The following ABCG8 variants were observed in gnomAD, a reference collection of about 807,000 sequenced individuals.
ABCG8 encodes the protein ATP binding cassette subfamily G member 8, also known as ATP-binding cassette sub-family G member 8.
ABCG8 carries 81 observed loss-of-function variants against 71.3 expected under a neutral mutation model. The observed-to-expected ratio is 1.14, with a 90% CI of 0.95 to 1.37. The LOEUF (loss-of-function observed/expected upper bound fraction) is 1.37, where lower values mean the gene tolerates loss of function less well. Ranked by LOEUF, ABCG8 falls within the 40% of genes most tolerant of loss-of-function variation. The pLI is 0.00. For missense variants in ABCG8, 1,119 were observed against 866.2 expected, an observed-to-expected ratio of 1.29 and a Z score of -3.66; for synonymous variants, 451 against 354.7, an observed-to-expected ratio of 1.27 and a Z score of -3.05.
rs1668982196 is a variant in ABCG8, at chr2:43,853,013, G to A, written c.964+145G>A. The A allele has an allele frequency of 6.2e-6, 7 of 1,122,680 alleles. 1 individual carries two copies. Among genetic ancestry groups the A allele is most frequent in the South Asian group, 1.4e-5 (1 of 70,986 alleles). 69.5% of individuals were successfully genotyped at this position (1,122,680 alleles called of 1,614,324 possible). On this transcript the variant is annotated intron_variant, in intron 6 of 12. Coordinates refer to ENST00000272286, the MANE Select transcript of ABCG8 (RefSeq NM_022437.3). ...GGAGCAATGATGGGGAAGAACATGG[G>A]GTGGTTTGCCAGGTATCAAATGCTA...
intron 6 of ABCG8, among the ~76,000 whole-genome samples, chr2:43,853,939 A>C (rs959616021): frequency 1.3e-5 from 2 of 152,080 alleles, no homozygotes; most frequent in Non-Finnish European, 2.9e-5. Context: ...AACTCACAGA[A>C]AGGTCACCTC....
chr2:43,881,954 G>T lies in ABCG8; in HGVS notation c.*4041G>T, dbSNP rs534403670. 1 of 152,152 alleles carries T rather than the reference G, an allele frequency of 6.6e-6. No individual in the cohort carries two copies. Among genetic ancestry groups the T allele is most frequent in the Non-Finnish European group, 1.5e-5 (1 of 68,028 alleles). The allele number at this position is 152,152 out of a possible 1,614,324, so 9.4% of individuals were successfully genotyped here. A position where few individuals can be genotyped will look rare whatever the true frequency, so the allele number is the denominator to read the frequency against. On this transcript the variant is annotated 3_prime_UTR_variant, in exon 13 of 13. Coordinates refer to ENST00000272286, the MANE Select transcript of ABCG8 (RefSeq NM_022437.3). ...TGTAGACTATAGTAACGTACAGCCG[G>T]TGTGGCTGTCTTCTAAGAAAGTATT... is the stretch of plus-strand genomic sequence containing the variant.
chr2:43,839,166 A>T, intron 1 of ABCG8, 50 bp downstream of exon 1: 1 of 1,539,542 alleles, frequency 6.5e-7, no homozygotes, highest in Non-Finnish European at 8.8e-7. Flanking sequence ...GGGTAGGAGA[A>T]ATCAAACCTT....
At chr2:43,872,963 CAT>C (rs895527284) in intron 8 of ABCG8, among the ~76,000 whole-genome samples, 1 of 150,916 alleles carries the variant, frequency 6.6e-6, no homozygotes, top group African/African-American at 2.5e-5. Context: ...TGTTTCCATG[CAT>C]ACACACATTT....
chr2:43,873,751 C>A (rs773685932), intron 8 of ABCG8, 36 bp from the exon 9 acceptor site: 14 of 1,606,546 alleles, frequency 8.7e-6, no homozygotes, highest in Non-Finnish European at 1.1e-5. Context: ...CTGGTGTATG[C>A]TGTTGCCTCA....
intron 6 of ABCG8, among the ~76,000 whole-genome samples, chr2:43,861,424 A>G (rs988502576): frequency 1.4e-4 from 21 of 151,198 alleles, no homozygotes; most frequent in Non-Finnish European, 3.1e-4. Context: ...TTCTGTGGAT[A>G]GAACTCTCAC....
intron 3 of ABCG8, chr2:43,847,064 G>T (rs1358577900): frequency 6.6e-6 from 1 of 152,614 alleles, no homozygotes; most frequent in Non-Finnish European, 1.5e-5. Flanking sequence ...CAAATCCAAA[G>T]AAATTGAGGG....
intron 6 of ABCG8, among the ~76,000 whole-genome samples, chr2:43,860,429 C>T (rs1669270445): frequency 1.3e-5 from 2 of 151,236 alleles, no homozygotes; most frequent in Non-Finnish European, 3.0e-5. Flanking sequence ...ATAGAACTCT[C>T]ACTATCTGGA....
chr2:43,849,928 G>A (rs112509822), intron 3 of ABCG8, among the ~76,000 whole-genome samples: 2 of 152,108 alleles, frequency 1.3e-5, no homozygotes, highest in African/African-American at 2.4e-5. Context: ...GGCCGGGCAC[G>A]GTGGCTCACG....
intron 6 of ABCG8, among the ~76,000 whole-genome samples, chr2:43,861,666 T>C (rs1164855458): frequency 6.6e-6 from 1 of 151,266 alleles, no homozygotes; most frequent in Admixed American, 6.6e-5. Flanking sequence ...GATAGAACTA[T>C]CACCCTCTGG....
rs1668955040 is a variant in ABCG8, at chr2:43,852,459, A to T, written c.667A>T (p.Ile223Phe). ...GGGGGGTGAGCGCAGGAGAGTCAGC[A>T]TTGGGGTGCAGCTCCTGTGGAACCC... ...LSGGERRRVSIGVQLLWNPGI... is the reference protein window; with the variant it reads ...LSGGERRRVSFGVQLLWNPGI... Residue 223 changes from isoleucine to phenylalanine, a missense_variant, in exon 5 of 13, where the codon ATT becomes TTT. Transcript: ENST00000272286. 1 of 1,613,246 alleles carries T rather than the reference A, an allele frequency of 6.2e-7. No individual in the cohort carries two copies. The highest frequency in any genetic ancestry group is 8.5e-7 in the Non-Finnish European group (1 of 1,179,968).
chr2:43,847,927 A>AT (rs201917197), intron 3 of ABCG8: 3,513 of 149,270 alleles, frequency 0.024, 132 homozygotes, highest in African/African-American at 0.082. Context: ...TGCCTGGCTC[A>AT]TTTTTTTTTG....
At chr2:43,862,430 G>T (rs1396932733) in intron 6 of ABCG8, among the ~76,000 whole-genome samples, 2 of 140,102 alleles carry the variant, frequency 1.4e-5, no homozygotes. Flanking sequence ...ATCACCAACT[G>T]TATAGAACTC....
intron 3 of ABCG8, among the ~76,000 whole-genome samples, chr2:43,849,890 G>A (rs557025145): frequency 6.6e-6 from 1 of 152,260 alleles, no homozygotes; most frequent in African/African-American, 2.4e-5. Flanking sequence ...GAAGCTTCTT[G>A]GTTTTTGGAG....
At chr2:43,852,272 G>T in intron 4 of ABCG8, 82 bp from the exon 5 acceptor site, 1 of 1,595,794 alleles carries the variant, frequency 6.3e-7, no homozygotes, top group South Asian at 1.1e-5. Context: ...GGAGGAGCGG[G>T]CGCCTTTATC....
intron 6 of ABCG8, among the ~76,000 whole-genome samples, chr2:43,859,705 C>T (rs947389413): frequency 6.6e-6 from 1 of 151,274 alleles, no homozygotes; most frequent in Admixed American, 6.6e-5. Context: ...GGATAGAACT[C>T]TCACTATCTA....
intron 2 of ABCG8, among the ~76,000 whole-genome samples, chr2:43,845,043 C>A (rs1348730091): frequency 6.7e-6 from 1 of 150,130 alleles, no homozygotes; most frequent in Non-Finnish European, 1.5e-5. Context: ...ATGCTATTAA[C>A]TACAGACTTT....
intron 3 of ABCG8, 106 bp downstream of exon 3, chr2:43,846,417 T>A: frequency 6.7e-7 from 1 of 1,491,828 alleles, no homozygotes; most frequent in Admixed American, 1.7e-5. Context: ...ACTAGTAGAA[T>A]AATACAGCAG....
chr2:43,853,720 C>A (rs750657090), intron 6 of ABCG8, among the ~76,000 whole-genome samples: 12 of 152,344 alleles, frequency 7.9e-5, no homozygotes, highest in South Asian at 4.2e-4. Flanking sequence ...AAGGCCATCT[C>A]CATCTTTACA....
Sources: allele counts gnomAD v4.1 joint callset (sites outside exome capture counted in the v4.1 genomes callset), GRCh38; gene constraint gnomAD v4.1.1; transcripts MANE v1.5; gene names NCBI Gene and HGNC (gene_info 2026-07-23, HGNC 2026-07-21).